SNX29: variants seen among roughly 807,000 people sequenced by gnomAD.
SNX29 encodes sorting nexin-29.
In SNX29, 78 loss-of-function variants were observed where a neutral mutation model predicts 102.1. The observed-to-expected ratio is 0.76, with a 90% confidence interval of 0.64 to 0.92. The LOEUF (loss-of-function observed/expected upper bound fraction) is 0.92. Ranked by LOEUF, SNX29 falls within the 40% of genes least tolerant of loss-of-function variation. The pLI, the probability that SNX29 is intolerant of heterozygous loss-of-function variation, is 0.00. For missense variants in SNX29, 1,280 were observed against 1,061.7 expected, an observed-to-expected ratio of 1.21 and a Z score of -2.86; for synonymous variants, 580 against 414.5, an observed-to-expected ratio of 1.40 and a Z score of -4.85.
At chr16:12,559,893 G>A (rs890112479) in intron 20 of SNX29, among the ~76,000 whole-genome samples, 2 of 152,138 alleles carry the variant, frequency 1.3e-5, no homozygotes, top group African/African-American at 2.4e-5. Flanking sequence ...GCAGGAGAAT[G>A]GCATGAATGC....
intron 19 of SNX29, 87 bp from the exon 20 acceptor site, chr16:12,524,615 G>C: frequency 6.8e-7 from 1 of 1,475,572 alleles, no homozygotes; most frequent in Non-Finnish European, 9.1e-7. Flanking sequence ...CCTGGATGGC[G>C]CTGATGGGTG....
At chr16:12,314,762 GA>G (rs1351924083) in intron 15 of SNX29, among the ~76,000 whole-genome samples, 1 of 152,212 alleles carries the variant, frequency 6.6e-6, no homozygotes, top group Non-Finnish European at 1.5e-5. Context: ...GTGTTCACTT[GA>G]ATTGGTTCTG....
At chr16:11,992,850 A>C (rs775991819) in intron 1 of SNX29, among the ~76,000 whole-genome samples, 30 of 152,182 alleles carry the variant, frequency 2.0e-4, no homozygotes, top group Non-Finnish European at 1.6e-4. Context: ...ATGGAGAGAC[A>C]GCGAAATACC....
At chr16:12,067,735 G>A (rs146721380) in intron 9 of SNX29, among the ~76,000 whole-genome samples, 102 of 152,300 alleles carry the variant, frequency 6.7e-4, no homozygotes, top group Non-Finnish European at 1.3e-3. Flanking sequence ...TAATCCACCT[G>A]CCTTGGCTTC....
intron 15 of SNX29, among the ~76,000 whole-genome samples, chr16:12,308,316 G>A (rs913699185): frequency 3.3e-5 from 5 of 152,188 alleles, no homozygotes; most frequent in Non-Finnish European, 7.3e-5. Flanking sequence ...GTATCATTCT[G>A]ATTGTCCAGT....
rs909665652 is a variant in SNX29, at chr16:12,570,324, A to G, written c.*1695A>G. On this transcript the variant is annotated 3_prime_UTR_variant, in exon 21 of 21. Transcript: ENST00000566228. ...GGACCCGAGACATCCTGTAAAGGCA[A>G]CTTGGTCTCCCTCCCACTCACCTGC... 1 of 928,436 alleles carries G rather than the reference A, an allele frequency of 1.1e-6. No individual in the cohort carries two copies. The highest frequency in any genetic ancestry group is 1.3e-6 in the Non-Finnish European group (1 of 754,498). 57.5% of individuals were successfully genotyped at this position (928,436 alleles called of 1,614,324 possible).
chr16:12,020,010 A>G (rs895110450), intron 3 of SNX29, among the ~76,000 whole-genome samples: 6 of 152,092 alleles, frequency 3.9e-5, no homozygotes, highest in African/African-American at 1.4e-4. Flanking sequence ...TTTTCATCTT[A>G]TGTTATAAAG....
intron 14 of SNX29, among the ~76,000 whole-genome samples, chr16:12,234,508 G>T (rs533875626): frequency 6.6e-6 from 1 of 151,808 alleles, no homozygotes; most frequent in Admixed American, 6.6e-5. Context: ...CTACCATTCT[G>T]CAAGTTTCTT....
At chr16:12,186,572 C>A (rs985196771) in intron 13 of SNX29, among the ~76,000 whole-genome samples, 2 of 152,202 alleles carry the variant, frequency 1.3e-5, no homozygotes, top group African/African-American at 4.8e-5. Context: ...ATTCATATTT[C>A]ACCAATGGGG....
chr16:12,239,074 C>A (rs895044001), intron 14 of SNX29, among the ~76,000 whole-genome samples: 2 of 152,198 alleles, frequency 1.3e-5, no homozygotes, highest in Non-Finnish European at 2.9e-5. Context: ...AGAACTTAGT[C>A]GGTGGCACCA....
At chr16:12,495,594 C>A (rs2088781769) in intron 19 of SNX29, among the ~76,000 whole-genome samples, 1 of 152,206 alleles carries the variant, frequency 6.6e-6, no homozygotes, top group African/African-American at 2.4e-5. Context: ...TTTGCTTAAA[C>A]ATGGTAAGTG....
Position 12,568,998 on chromosome 16 carries a change from A to C in SNX29, c.*369A>C, listed in dbSNP as rs928803903. ...TTGAGAGGCAAAGGTGATCCCCTATATAGGAAGGTTCATGCAGAGCCAGCC... is the reference window on the plus strand; with the variant it reads ...TTGAGAGGCAAAGGTGATCCCCTATCTAGGAAGGTTCATGCAGAGCCAGCC... On this transcript the variant is annotated 3_prime_UTR_variant, in exon 21 of 21. Coordinates refer to ENST00000566228, the MANE Select transcript of SNX29 (RefSeq NM_032167.5). 7.0e-6 allele frequency: 2 copies of C among 287,226 alleles called. No individual in the cohort carries two copies. The highest frequency in any genetic ancestry group is 2.1e-5 in the African/African-American group (1 of 46,554). 17.8% of individuals were successfully genotyped at this position (287,226 alleles called of 1,614,324 possible).
intron 18 of SNX29, among the ~76,000 whole-genome samples, chr16:12,465,430 G>A (rs886604315): frequency 6.6e-6 from 1 of 151,940 alleles, no homozygotes; most frequent in Non-Finnish European, 1.5e-5. Flanking sequence ...TTTGAAGGTA[G>A]ATATTCCGTT....
At chr16:12,439,027 G>A (rs2085673000) in intron 18 of SNX29, among the ~76,000 whole-genome samples, 1 of 152,226 alleles carries the variant, frequency 6.6e-6, no homozygotes, top group Non-Finnish European at 1.5e-5. Flanking sequence ...GGTTGCACAT[G>A]GCAGCCCGGG....
chr16:12,240,788 T>C (rs1425185090), intron 14 of SNX29, among the ~76,000 whole-genome samples: 1 of 151,944 alleles, frequency 6.6e-6, no homozygotes, highest in African/African-American at 2.4e-5. Flanking sequence ...GTATTTCTAG[T>C]GGAGATGGTC....
At chr16:12,441,725 G>C (rs1475586683) in intron 18 of SNX29, among the ~76,000 whole-genome samples, 1 of 152,152 alleles carries the variant, frequency 6.6e-6, no homozygotes, top group East Asian at 1.9e-4. Context: ...ATTTAGCCCT[G>C]TGTTTTCTTC....
intron 18 of SNX29, among the ~76,000 whole-genome samples, chr16:12,463,807 T>A (rs916633722): frequency 1.4e-5 from 2 of 146,520 alleles, no homozygotes; most frequent in East Asian, 4.0e-4. Context: ...ATCCACCACC[T>A]CCCGAAGTGA....
chr16:12,226,574 CT>C lies in SNX29; in HGVS notation c.1678+26907del, dbSNP rs33956641. ...AGCTGAAGGGCGTGGACTGAGCCTT[CT>C]TTTTTTTTTTTTTTTGGAGACAGAG... On this transcript the variant is annotated intron_variant, in intron 14 of 20. Coordinates refer to ENST00000566228, the MANE Select transcript of SNX29 (RefSeq NM_032167.5). 8.9e-4 allele frequency among the ~76,000 whole-genome samples: 118 copies of C among 133,212 alleles called. 1 individual carries two copies. The highest frequency in any genetic ancestry group is 3.8e-3 in the Middle Eastern group (1 of 260). 87.4% of individuals were successfully genotyped at this position (133,212 alleles called of 152,430 possible). A position where few individuals can be genotyped will look rare whatever the true frequency, so the allele number is the denominator to read the frequency against.
At chr16:12,217,966 C>T (rs1484459954) in intron 14 of SNX29, among the ~76,000 whole-genome samples, 1 of 152,192 alleles carries the variant, frequency 6.6e-6, no homozygotes, top group African/African-American at 2.4e-5. Context: ...TAAAATTTTT[C>T]TTGGTTTCCC....
Sources: allele counts gnomAD v4.1 joint callset (sites outside exome capture counted in the v4.1 genomes callset), GRCh38; gene constraint gnomAD v4.1.1; transcripts MANE v1.5; gene names NCBI Gene and HGNC (gene_info 2026-07-23, HGNC 2026-07-21).